The following LRP1B variants were observed in gnomAD, a reference collection of about 807,000 sequenced individuals.
The protein encoded by LRP1B is low-density lipoprotein receptor-related protein 1B.
LRP1B carries 217 observed loss-of-function variants against 556.6 expected under a neutral mutation model. The observed-to-expected ratio is 0.39, with a 90% confidence interval of 0.35 to 0.44. The LOEUF (loss-of-function observed/expected upper bound fraction) is 0.44. Ranked by LOEUF, LRP1B falls within the 20% of genes least tolerant of loss-of-function variation. LRP1B has a pLI of 1.00. For missense variants in LRP1B, 5,053 were observed against 5,620.8 expected, an observed-to-expected ratio of 0.90 and a Z score of 3.23; for synonymous variants, 2,047 against 1,865.8, an observed-to-expected ratio of 1.10 and a Z score of -2.50.
At chr2:141,724,165 T>C (rs1382864704) in intron 2 of LRP1B, among the ~76,000 whole-genome samples, 2 of 152,000 alleles carry the variant, frequency 1.3e-5, no homozygotes, top group Non-Finnish European at 2.9e-5. Context: ...GAGATTTGTT[T>C]ATGAAATTAG....
At chr2:140,992,815 A>G (rs1437047936) in intron 16 of LRP1B, among the ~76,000 whole-genome samples, 1 of 152,074 alleles carries the variant, frequency 6.6e-6, no homozygotes, top group African/African-American at 2.4e-5. Context: ...ATAGCAATTT[A>G]GTATTTAAAT....
intron 2 of LRP1B, among the ~76,000 whole-genome samples, chr2:141,506,571 G>A (rs142947145): frequency 8.6e-5 from 13 of 152,014 alleles, no homozygotes; most frequent in Admixed American, 2.6e-4. Context: ...GTTACATTAC[G>A]GGAAGAGTTA....
At chr2:141,385,037 G>A (rs1169436950) in intron 3 of LRP1B, among the ~76,000 whole-genome samples, 2 of 152,216 alleles carry the variant, frequency 1.3e-5, no homozygotes, top group Admixed American at 6.5e-5. Flanking sequence ...CTTTGTCTCT[G>A]CTGGACTCGG....
At chr2:141,492,091 AC>A (rs1683357194) in intron 2 of LRP1B, among the ~76,000 whole-genome samples, 20 of 100,162 alleles carry the variant, frequency 2.0e-4, no homozygotes, top group Admixed American at 3.9e-4. Context: ...AAAAAAAAAA[AC>A]ACTAAGAAAA....
chr2:140,525,997 G>T lies in LRP1B; in HGVS notation c.7877-4C>A, dbSNP rs762325796. 5.6e-5 allele frequency: 91 copies of T among 1,610,798 alleles called. 1 individual carries two copies. The Middle Eastern group carries it at 9.9e-4, about 18-fold the overall frequency. ...AAATGTGTGCAGTCTGTGTTATCTA[G>T]AAGAAGGTAAACAAAAAATGAAAAA... On this transcript the variant is annotated splice_region_variant and splice_polypyrimidine_tract_variant and intron_variant, in intron 48 of 90. Coordinates refer to ENST00000389484, the MANE Select transcript of LRP1B (RefSeq NM_018557.3).
At chr2:140,748,111 ATATATATATATATATATATATAT>A (rs1559093561) in intron 35 of LRP1B, among the ~76,000 whole-genome samples, 10 of 129,222 alleles carry the variant, frequency 7.7e-5, no homozygotes, top group Non-Finnish European at 1.3e-4. Context: ...ATATATATAT[ATATATATATATATATATATATAT>A]ATAATTCATA....
At chr2:141,067,690 T>G (rs2105477067) in intron 7 of LRP1B, among the ~76,000 whole-genome samples, 1 of 152,122 alleles carries the variant, frequency 6.6e-6, no homozygotes, top group South Asian at 2.1e-4. Context: ...ATCTCCTCTC[T>G]CTTCACAGAT....
intron 3 of LRP1B, among the ~76,000 whole-genome samples, chr2:141,291,899 G>A (rs1043646346): frequency 2.9e-5 from 4 of 139,752 alleles, no homozygotes; most frequent in Admixed American, 2.9e-4. Context: ...AACTTGTTTG[G>A]GGTTACAAAA....
chr2:140,962,159 A>T (rs2105316392), intron 18 of LRP1B, among the ~76,000 whole-genome samples: 1 of 152,340 alleles, frequency 6.6e-6, no homozygotes, highest in Middle Eastern at 3.4e-3. Flanking sequence ...ACTGTATAAG[A>T]ATTTACATAT....
Position 140,352,994 on chromosome 2 carries a change from T to C in LRP1B, c.11609A>G (p.Asp3870Gly). 2 of 1,612,868 alleles carry C rather than the reference T, an allele frequency of 1.2e-6. No individual in the cohort carries two copies. Among genetic ancestry groups the C allele is most frequent in the Non-Finnish European group, 1.7e-6 (2 of 1,179,310 alleles). The part of the protein sequence containing the change: ...NVEGSYKCVC[D>G]QNFQERNNTC... Reference sequence around the variant, plus strand: ...GTTATTTCTTTCTTGAAAATTCTGGTCACACACACATTTATATGATCCTTC... The same window carrying C: ...GTTATTTCTTTCTTGAAAATTCTGGCCACACACACATTTATATGATCCTTC... The change falls in exon 76 of 91, where the codon GAC becomes GGC. Residue 3870 changes from aspartate to glycine, a missense_variant. By Grantham distance (94) the Asp-to-Gly change is moderately conservative. Coordinates refer to ENST00000389484, the MANE Select transcript of LRP1B (RefSeq NM_018557.3).
chr2:140,466,124 CTTT>C (rs74381027), intron 60 of LRP1B, among the ~76,000 whole-genome samples: 7 of 125,690 alleles, frequency 5.6e-5, no homozygotes, highest in Admixed American at 8.1e-5. Context: ...TTTCTTTTTT[CTTT>C]TTTTTTTTTT....
intron 1 of LRP1B, among the ~76,000 whole-genome samples, chr2:142,069,243 A>G (rs532212938): frequency 1.8e-3 from 273 of 151,772 alleles, no homozygotes; most frequent in African/African-American, 6.0e-3. Flanking sequence ...TATTAAGTCA[A>G]AGAAGTTTGA....
intron 7 of LRP1B, among the ~76,000 whole-genome samples, chr2:141,067,593 C>G (rs1300386570): frequency 6.6e-6 from 1 of 152,002 alleles, no homozygotes; most frequent in African/African-American, 2.4e-5. Flanking sequence ...ATGTGGCTGA[C>G]TCGTTGAACG....
At chr2:141,562,182 G>T (rs1346454911) in intron 2 of LRP1B, among the ~76,000 whole-genome samples, 1 of 151,924 alleles carries the variant, frequency 6.6e-6, no homozygotes, top group African/African-American at 2.4e-5. Flanking sequence ...CTGAGAAGTC[G>T]ATTCAATCTA....
chr2:141,017,050 C>G (rs1051897050), intron 12 of LRP1B, among the ~76,000 whole-genome samples: 3 of 151,948 alleles, frequency 2.0e-5, no homozygotes, highest in African/African-American at 7.2e-5. Context: ...TGTTGATATG[C>G]CCTTTTTAGA....
At chr2:140,284,358 A>C (rs1229928660) in intron 84 of LRP1B, among the ~76,000 whole-genome samples, 2 of 146,000 alleles carry the variant, frequency 1.4e-5, no homozygotes, top group Non-Finnish European at 3.0e-5. Flanking sequence ...ATTTTCGAAA[A>C]CTGGAAAGGA....
At chr2:142,084,466 CCT>C (rs5834897) in intron 1 of LRP1B, among the ~76,000 whole-genome samples, 31,505 of 152,094 alleles carry the variant, frequency 0.21, 3,472 homozygotes, top group Middle Eastern at 0.43. Context: ...CAAGATTTCA[CCT>C]CTGAGTTGAT....
chr2:140,582,677 A>C (rs1681821268), intron 43 of LRP1B, among the ~76,000 whole-genome samples: 1 of 152,112 alleles, frequency 6.6e-6, no homozygotes, highest in African/African-American at 2.4e-5. Context: ...TATGAGAGGC[A>C]GGCCTTCACC....
At chr2:141,478,667 C>T (rs1236154093) in intron 3 of LRP1B, among the ~76,000 whole-genome samples, 4 of 151,980 alleles carry the variant, frequency 2.6e-5, no homozygotes, top group Non-Finnish European at 5.9e-5. Flanking sequence ...CCTCAGCCTC[C>T]CAAGTAGCTG....
Sources: gnomAD v4.1 joint callset for allele counts (sites outside exome capture counted in the v4.1 genomes callset) on GRCh38, gnomAD v4.1.1 for gene constraint, MANE v1.5 for transcripts, NCBI Gene and HGNC (gene_info 2026-07-23, HGNC 2026-07-21) for gene names.